MGAT5: variants seen among roughly 807,000 people sequenced by gnomAD.
The protein encoded by MGAT5 is alpha-1,6-mannosylglycoprotein 6-beta-N-acetylglucosaminyltransferase.
MGAT5 carries 30 observed loss-of-function variants against 94.3 expected under a neutral mutation model. The ratio of observed to expected loss-of-function variants is 0.32; its 90% CI spans 0.24 to 0.43. MGAT5 has a LOEUF of 0.43. Ranked by LOEUF, MGAT5 falls within the 20% of genes least tolerant of loss-of-function variation. MGAT5 has a pLI of 1.00. For missense variants in MGAT5, 691 were observed against 905.5 expected (o/e 0.76, Z 3.04); for synonymous variants, 310 against 322.9 (o/e 0.96, Z 0.43).
At chr2:134,173,772 C>G (rs1198044306) in intron 1 of MGAT5, among the ~76,000 whole-genome samples, 1 of 152,222 alleles carries the variant, frequency 6.6e-6, no homozygotes, top group Non-Finnish European at 1.5e-5. Flanking sequence ...GAGCAGCAGA[C>G]TTAACTGCCA....
At chr2:134,427,422 T>C (rs938909684) in intron 13 of MGAT5, among the ~76,000 whole-genome samples, 2 of 152,202 alleles carry the variant, frequency 1.3e-5, no homozygotes, top group African/African-American at 4.8e-5. Context: ...TTTCTTCCCC[T>C]TCTCCAAGGT....
chr2:134,264,031 T>TA (rs1683516491), intron 1 of MGAT5, among the ~76,000 whole-genome samples: 1 of 149,018 alleles, frequency 6.7e-6, no homozygotes, highest in Non-Finnish European at 1.5e-5. Context: ...TTTTTTTTTT[T>TA]TTTTTTTTGA....
chr2:134,230,825 AAC>A (rs58303257), intron 1 of MGAT5, among the ~76,000 whole-genome samples: 107,143 of 150,754 alleles, frequency 0.71, 38,080 homozygotes, highest in Non-Finnish European at 0.73. Context: ...GGGGAATGAA[AAC>A]ACACACACAC....
intron 1 of MGAT5, among the ~76,000 whole-genome samples, chr2:134,247,422 C>T (rs1682348957): frequency 6.9e-6 from 1 of 145,556 alleles, no homozygotes; most frequent in South Asian, 2.2e-4. Flanking sequence ...AGTTTTGTGA[C>T]CAATAAGGTG....
At position 134,369,505 on chromosome 2, in the gene MGAT5, A is replaced by T. The variant is rs200333392; in HGVS notation, c.1380+7097A>T. On this transcript the variant is annotated intron_variant, in intron 10 of 15. Transcript: ENST00000281923. ...CTTGCATAAATGAAGGTATTGGTTT[A>T]AAAAAAGAATGAATTATTATACACA... is the stretch of plus-strand genomic sequence containing the variant. 9.2e-5 allele frequency among the ~76,000 whole-genome samples: 14 copies of T among 152,316 alleles called. No homozygotes were observed. The East Asian group carries it at 2.3e-3, about 25-fold the overall frequency.
intron 6 of MGAT5, 90 bp from the exon 7 acceptor site, chr2:134,341,500 C>T (rs1385661927): frequency 2.7e-6 from 3 of 1,108,150 alleles, no homozygotes; most frequent in Non-Finnish European, 3.8e-6. Flanking sequence ...GTAAACATGA[C>T]TTTGGGATTG....
At chr2:134,262,683 A>T (rs1428363120) in intron 1 of MGAT5, among the ~76,000 whole-genome samples, 3 of 152,238 alleles carry the variant, frequency 2.0e-5, no homozygotes, top group Non-Finnish European at 4.4e-5. Context: ...ACTGTGCCCA[A>T]CCAGCGCTTA....
At chr2:134,247,556 T>G (rs1559009785) in intron 1 of MGAT5, among the ~76,000 whole-genome samples, 1 of 152,170 alleles carries the variant, frequency 6.6e-6, no homozygotes, top group Non-Finnish European at 1.5e-5. Flanking sequence ...TGTCAAACTT[T>G]TTTTGAAAAA....
At chr2:134,351,509 A>G (rs889524899) in intron 9 of MGAT5, among the ~76,000 whole-genome samples, 1 of 152,154 alleles carries the variant, frequency 6.6e-6, no homozygotes, top group Non-Finnish European at 1.5e-5. Flanking sequence ...ATAAAGTTCT[A>G]TTTTAGAATA....
chr2:134,148,408 A>G (rs1190393331), intron 1 of MGAT5, among the ~76,000 whole-genome samples: 1 of 152,254 alleles, frequency 6.6e-6, no homozygotes, highest in African/African-American at 2.4e-5. Context: ...AGGGGATTCC[A>G]GTGTGCAGTG....
intron 1 of MGAT5, among the ~76,000 whole-genome samples, chr2:134,213,609 C>T (rs916483360): frequency 6.6e-6 from 1 of 152,198 alleles, no homozygotes; most frequent in Non-Finnish European, 1.5e-5. Flanking sequence ...GTACTTCTGA[C>T]CAATTGGCTG....
intron 1 of MGAT5, among the ~76,000 whole-genome samples, chr2:134,241,189 G>A (rs571228249): frequency 1.3e-5 from 2 of 152,354 alleles, no homozygotes; most frequent in South Asian, 2.1e-4. Context: ...CAGGAACAGA[G>A]AGTGTGTCCA....
intron 1 of MGAT5, among the ~76,000 whole-genome samples, chr2:134,202,463 C>T (rs989701036): frequency 8.5e-5 from 13 of 152,244 alleles, no homozygotes; most frequent in Non-Finnish European, 1.6e-4. Context: ...TTGGATGTTC[C>T]AGCCTCCAGA....
chr2:134,277,758 T>C (rs1253688733), intron 2 of MGAT5, among the ~76,000 whole-genome samples: 2 of 152,248 alleles, frequency 1.3e-5, no homozygotes, highest in Non-Finnish European at 2.9e-5. Context: ...AACACTGTAG[T>C]GACTTCTTAT....
intron 10 of MGAT5, among the ~76,000 whole-genome samples, chr2:134,363,799 C>G (rs926213642): frequency 1.3e-5 from 2 of 152,198 alleles, no homozygotes; most frequent in African/African-American, 2.4e-5. Context: ...CGAAGATGGT[C>G]CCATAAATTT....
chr2:134,165,398 A>C (rs189164172), intron 1 of MGAT5, among the ~76,000 whole-genome samples: 1 of 152,294 alleles, frequency 6.6e-6, no homozygotes, highest in East Asian at 1.9e-4. Context: ...TTCAAAGAAG[A>C]CTTTGGTGAG....
At chr2:134,422,160 A>C (rs1230856682) in intron 12 of MGAT5, among the ~76,000 whole-genome samples, 2 of 151,882 alleles carry the variant, frequency 1.3e-5, no homozygotes, top group Non-Finnish European at 2.9e-5. Flanking sequence ...CCTTTGGGGA[A>C]AAAAAAGAAG....
intron 2 of MGAT5, among the ~76,000 whole-genome samples, chr2:134,277,130 C>T (rs1418754976): frequency 1.3e-5 from 2 of 152,140 alleles, no homozygotes; most frequent in Non-Finnish European, 2.9e-5. Context: ...TGGAACCAGA[C>T]TGGCTCGGTT....
chr2:134,277,745 T>G (rs1317699497), intron 2 of MGAT5, among the ~76,000 whole-genome samples: 1 of 152,214 alleles, frequency 6.6e-6, no homozygotes, highest in African/African-American at 2.4e-5. Context: ...GACATAAAAA[T>G]GGAACACTGT....
Sources: gnomAD v4.1 joint callset for allele counts (sites outside exome capture counted in the v4.1 genomes callset) on GRCh38, gnomAD v4.1.1 for gene constraint, MANE v1.5 for transcripts, NCBI Gene and HGNC (gene_info 2026-07-23, HGNC 2026-07-21) for gene names.